Variants in TMEM131L observed in about 807,000 individuals in gnomAD.
TMEM131L encodes transmembrane 131 like.
A neutral mutation model predicts 192.2 loss-of-function variants in TMEM131L; 54 were observed. The observed-to-expected ratio is 0.28, with a 90% confidence interval of 0.23 to 0.35. The LOEUF (loss-of-function observed/expected upper bound fraction) is 0.35, where lower values mean the gene tolerates loss of function less well. Ranked by LOEUF, TMEM131L falls within the 10% of genes least tolerant of loss-of-function variation. The probability of loss-of-function intolerance (pLI) is 1.00; values close to 1 mark genes in which losing one functional copy is unlikely to be tolerated. For synonymous variants in TMEM131L, 701 were observed against 704.9 expected (o/e 0.99, Z 0.09); for missense variants, 1,888 against 1,972.9 (o/e 0.96, Z 0.82).
At chr4:153,576,473 G>A (rs1367209656) in intron 7 of TMEM131L, among the ~76,000 whole-genome samples, 3 of 152,024 alleles carry the variant, frequency 2.0e-5, no homozygotes, top group East Asian at 1.9e-4. Context: ...AAATATATCC[G>A]TCCAGAGATT....
intron 4 of TMEM131L, among the ~76,000 whole-genome samples, chr4:153,550,899 T>G (rs776836780): frequency 3.3e-5 from 5 of 152,162 alleles, no homozygotes; most frequent in Admixed American, 2.6e-4. Context: ...GTAATGACTT[T>G]ACAGTATCAT....
At chr4:153,583,743 A>C (rs1001792396) in intron 11 of TMEM131L, 71 bp downstream of exon 11, 1 of 863,586 alleles carries the variant, frequency 1.2e-6, no homozygotes, top group African/African-American at 1.7e-5. Flanking sequence ...TCTTTCTACA[A>C]CTACAGATTA....
chr4:153,573,736 C>A lies in TMEM131L; in HGVS notation c.661-7090C>A, dbSNP rs77830694. ...TCCAGTAAATGACACTTCTTTTTTT[C>A]TTGAGTTCTGTTCCAATCATGAAAT... On this transcript the variant is annotated intron_variant, in intron 7 of 34. Transcript: ENST00000409959. Among the ~76,000 whole-genome samples, 174 of 151,944 alleles carry A rather than the reference C, an allele frequency of 1.1e-3. 5 individuals carry two copies. The East Asian group carries it at 0.031, about 27-fold the overall frequency.
chr4:153,483,835 A>G (rs181714163), intron 3 of TMEM131L, among the ~76,000 whole-genome samples: 218 of 152,304 alleles, frequency 1.4e-3, no homozygotes, highest in Non-Finnish European at 2.3e-3. Context: ...AGAGTCAGGT[A>G]TAAGCTGACA....
chr4:153,509,427 A>G (rs1185894013), intron 3 of TMEM131L, among the ~76,000 whole-genome samples: 1 of 151,802 alleles, frequency 6.6e-6, no homozygotes, highest in Non-Finnish European at 1.5e-5. Context: ...ACCCTTCTAC[A>G]ATAAAAACTA....
intron 25 of TMEM131L, among the ~76,000 whole-genome samples, chr4:153,606,008 G>A (rs1000838104): frequency 6.6e-6 from 1 of 152,184 alleles, no homozygotes; most frequent in Non-Finnish European, 1.5e-5. Flanking sequence ...TGTCTGCAGG[G>A]TGGACACTGT....
chr4:153,518,626 G>A (rs894788602), intron 3 of TMEM131L, among the ~76,000 whole-genome samples: 1 of 152,198 alleles, frequency 6.6e-6, no homozygotes, highest in Non-Finnish European at 1.5e-5. Flanking sequence ...TCATAGAAGC[G>A]ATGGGAACAT....
chr4:153,619,378 C>T (rs17370492), intron 26 of TMEM131L, among the ~76,000 whole-genome samples: 4,784 of 152,240 alleles, frequency 0.031, 126 homozygotes, highest in South Asian at 0.071. Flanking sequence ...CATTAAATCC[C>T]GAGTCTGCAT....
At position 153,620,786 on chromosome 4, in the gene TMEM131L, C is replaced by G; in HGVS notation, c.3598C>G (p.Gln1200Glu). The change falls in exon 27 of 35, where the codon CAG becomes GAG. Residue 1200 changes from glutamine to glutamate, a missense_variant. Coordinates refer to ENST00000409959, the MANE Select transcript of TMEM131L (RefSeq NM_001131007.2). ...QEDPYRKKKL[Q>E]EKREGNLQNL... ...AGATCCTTATAGGAAGAAAAAGCTT[C>G]AGGAGAAAAGAGAAGGAAATTTACA... is the stretch of plus-strand genomic sequence containing the variant. 1 of 1,565,080 alleles carries G rather than the reference C, an allele frequency of 6.4e-7. No homozygotes were observed. Among genetic ancestry groups the G allele is most frequent in the Non-Finnish European group, 8.7e-7 (1 of 1,146,186 alleles).
At chr4:153,582,066 T>G (rs1184459853) in intron 9 of TMEM131L, among the ~76,000 whole-genome samples, 1 of 152,246 alleles carries the variant, frequency 6.6e-6, no homozygotes, top group Non-Finnish European at 1.5e-5. Flanking sequence ...CATTCATCTG[T>G]TTAACTTCCT....
At chr4:153,607,218 C>T (rs1231092866) in intron 25 of TMEM131L, among the ~76,000 whole-genome samples, 7 of 152,094 alleles carry the variant, frequency 4.6e-5, no homozygotes, top group Non-Finnish European at 7.4e-5. Context: ...ATGATAAACG[C>T]GTATAATTGA....
intron 24 of TMEM131L, 136 bp downstream of exon 24, chr4:153,603,588 A>G (rs1242050839): frequency 9.3e-7 from 1 of 1,071,318 alleles, no homozygotes; most frequent in African/African-American, 1.6e-5. Flanking sequence ...CATTATGTGA[A>G]CAGCTGCCCC....
intron 3 of TMEM131L, among the ~76,000 whole-genome samples, chr4:153,533,962 T>C (rs1347392952): frequency 6.6e-6 from 1 of 152,254 alleles, no homozygotes; most frequent in Non-Finnish European, 1.5e-5. Context: ...CATACTTTTA[T>C]TGTTTTGGTA....
chr4:153,554,613 C>T (rs1041684109), intron 4 of TMEM131L, among the ~76,000 whole-genome samples: 4 of 152,056 alleles, frequency 2.6e-5, no homozygotes, highest in Non-Finnish European at 5.9e-5. Flanking sequence ...GATATTTTTC[C>T]AATTTTATTC....
rs888297776 is a variant in TMEM131L, at chr4:153,603,948, A to G, written c.2936A>G (p.His979Arg). The G allele has an allele frequency of 1.2e-6, 2 of 1,613,956 alleles. No individual in the cohort carries two copies. The highest frequency in any genetic ancestry group is 1.7e-6 in the Non-Finnish European group (2 of 1,179,972). ...PATYGHSQKK[H>R]KCSVYYSKHK... ...ACCTATGGTCATTCTCAGAAGAAGC[A>G]CAAATGCTCAGTGTATTACAGTAAA... Residue 979 changes from histidine (H) to arginine (R), a missense_variant, in exon 25 of 35, where the codon CAC (histidine) becomes CGC (arginine). Physicochemically the swap from His to Arg is conservative, Grantham distance 29. Transcript: ENST00000409959.
chr4:153,545,289 A>ATTTTTTTTTTTTTTTTTT (rs1737084523), intron 3 of TMEM131L, among the ~76,000 whole-genome samples: 1 of 102,186 alleles, frequency 9.8e-6, no homozygotes, highest in Non-Finnish European at 1.8e-5. Context: ...ACTTTTTCAA[A>ATTTTTTTTTTTTTTTTTT]CTTTTTTTTT....
intron 21 of TMEM131L, among the ~76,000 whole-genome samples, chr4:153,600,409 G>A (rs1045216048): frequency 2.0e-5 from 3 of 151,786 alleles, no homozygotes; most frequent in Admixed American, 2.0e-4. Flanking sequence ...TAACTGGTGT[G>A]ACTGATGAAA....
At chr4:153,488,920 C>G (rs1732566056) in intron 3 of TMEM131L, among the ~76,000 whole-genome samples, 1 of 152,122 alleles carries the variant, frequency 6.6e-6, no homozygotes, top group Non-Finnish European at 1.5e-5. Context: ...CAGCGCTCTC[C>G]CTGGGTGTCT....
At chr4:153,624,160 C>T (rs1733660926) in intron 29 of TMEM131L, among the ~76,000 whole-genome samples, 1 of 150,264 alleles carries the variant, frequency 6.7e-6, no homozygotes, top group Non-Finnish European at 1.5e-5. Flanking sequence ...GCTCTGTTGC[C>T]CCGGCTGGAG....
Sources: allele counts gnomAD v4.1 joint callset (sites outside exome capture counted in the v4.1 genomes callset), GRCh38; gene constraint gnomAD v4.1.1; transcripts MANE v1.5; gene names NCBI Gene and HGNC (gene_info 2026-07-23, HGNC 2026-07-21).